The following CSPG4 variants were observed in gnomAD, a reference collection of about 807,000 sequenced individuals.
CSPG4 encodes chondroitin sulfate proteoglycan 4.
Under a neutral mutation model 139.3 loss-of-function variants are expected in CSPG4, and 74 were observed. The observed-to-expected ratio is 0.53, with a 90% confidence interval of 0.44 to 0.64. The LOEUF (loss-of-function observed/expected upper bound fraction) is 0.64. CSPG4 is among the 30% of genes least tolerant of loss of function. The pLI, the probability that CSPG4 is intolerant of heterozygous loss-of-function variation, is 0.00. For synonymous variants in CSPG4, 1,234 were observed against 1,394.2 expected (o/e 0.89, Z 2.56); for missense variants, 2,565 against 3,148.3 (o/e 0.81, Z 4.43).
chr15:75,682,498 A>G, intron 7 of CSPG4, 39 bp from the exon 8 acceptor site: 1 of 1,573,358 alleles, frequency 6.4e-7, no homozygotes, highest in Admixed American at 1.7e-5. Flanking sequence ...TTTGACTGGG[A>G]GCCAGGTCCA....
intron 1 of CSPG4, among the ~76,000 whole-genome samples, chr15:75,702,660 A>G (rs1894320946): frequency 2.0e-5 from 3 of 152,260 alleles, no homozygotes; most frequent in Non-Finnish European, 4.4e-5. Context: ...CCCAGGGCTC[A>G]GAGGCAGGGG....
rs1894255631 is a variant in CSPG4, at chr15:75,698,372, G to C, written c.89-5139C>G. 6.6e-6 allele frequency among the ~76,000 whole-genome samples: 1 copy of C among 151,990 alleles called. No homozygotes were observed. The highest frequency in any genetic ancestry group is 6.5e-5 in the Admixed American group (1 of 15,268). On this transcript the variant is annotated intron_variant, in intron 1 of 9. Coordinates refer to ENST00000308508, the MANE Select transcript of CSPG4 (RefSeq NM_001897.5). This position sits in a 1 kb window ranked among gnomAD's most constrained non-coding sequence, Gnocchi z 4.3. ...TGGGGGCTGAATGCCGGCTCTGTGA[G>C]AGCATGGACGGGCCAGGTGTGCTTC...
Position 75,675,754 on chromosome 15 carries a change from A to G in CSPG4, c.6765T>C (p.His2255=). 1 of 1,611,036 alleles carries G rather than the reference A, an allele frequency of 6.2e-7. No homozygotes were observed. Among genetic ancestry groups the G allele is most frequent in the African/African-American group, 1.3e-5 (1 of 74,994 alleles). Residue 2255 remains histidine, a synonymous_variant, in exon 10 of 10, where the codon CAT becomes CAC. Transcript: ENST00000308508. ...YLRKRNKTGK[H]DVQVLTAKPR... is the part of the protein sequence containing the mutation. ...GCTTGGCAGTCAGGACCTGGACGTC[A>G]TGCTTGCCCGTCTTGTTGCGTTTTC...
At chr15:75,704,359 G>A (rs1358183262) in intron 1 of CSPG4, among the ~76,000 whole-genome samples, 2 of 152,184 alleles carry the variant, frequency 1.3e-5, no homozygotes, top group Admixed American at 1.3e-4. Flanking sequence ...ATATCTCGCT[G>A]GCCCCAGGGC....
chr15:75,701,449 T>C (rs1391256751), intron 1 of CSPG4, among the ~76,000 whole-genome samples: 1 of 152,140 alleles, frequency 6.6e-6, no homozygotes, highest in African/African-American at 2.4e-5. Flanking sequence ...TCCTTGCTAG[T>C]GAAGCTCTGG....
chr15:75,676,148 C>G lies in CSPG4; in HGVS notation c.6371G>C (p.Gly2124Ala), dbSNP rs772471893. Residue 2124 changes from glycine to alanine, a missense_variant, in exon 10 of 10, where the codon GGG becomes GCG. This residue lies in a region of CSPG4 where 2,316 missense variants were observed against 2,818.2 expected (regional missense o/e 0.82). Transcript: ENST00000308508. ...CCCCTCTGGCCTGCCCACCTCCAGCCCCAGCCTCCCGTCCTCAAGGTCCTG... is the reference window on the plus strand; with the variant it reads ...CCCCTCTGGCCTGCCCACCTCCAGCGCCAGCCTCCCGTCCTCAAGGTCCTG... Reference protein sequence around the residue: ...TQQDLEDGRLGLEVGRPEGRA... With the variant: ...TQQDLEDGRLALEVGRPEGRA... 17 of 1,545,032 alleles carry G rather than the reference C, an allele frequency of 1.1e-5. No individual in the cohort carries two copies. The African/African-American group carries it at 2.0e-4, about 19-fold the overall frequency.
intron 2 of CSPG4, among the ~76,000 whole-genome samples, chr15:75,692,099 A>G (rs1473056564): frequency 1.3e-5 from 2 of 152,148 alleles, no homozygotes; most frequent in African/African-American, 4.8e-5. Context: ...CTCTTGCCTC[A>G]GCCTCCTGAG....
Position 75,676,006 on chromosome 15 carries a change from G to A in CSPG4, c.6513C>T (p.Tyr2171=). Residue 2171 remains tyrosine (Y), a synonymous_variant, in exon 10 of 10, where the codon TAC becomes TAT. Transcript: ENST00000308508. ...ATEPYNAARP[Y]SVALLSVPEA... is the part of the protein sequence containing the mutation. ...CGGGGACACTGAGCAGGGCCACGCT[G>A]TAGGGCCGGGCAGCATTGTAAGGCT... 6.4e-7 allele frequency: 1 copy of A among 1,568,762 alleles called. No homozygotes were observed. The highest frequency in any genetic ancestry group is 1.3e-5 in the African/African-American group (1 of 74,486).
At position 75,685,337 on chromosome 15, in the gene CSPG4, G is replaced by A; in HGVS notation, c.4154C>T (p.Pro1385Leu). ...GAGGCCCAGGAGAGTGGGGAAGTAGGGCCCGGAGACACGGAGCAGTGGAGG... is the reference window on the plus strand; with the variant it reads ...GAGGCCCAGGAGAGTGGGGAAGTAGAGCCCGGAGACACGGAGCAGTGGAGG... ...LAPPLLRVSG[P>L]YFPTLLGLSL... Residue 1385 changes from proline to leucine, a missense_variant, in exon 4 of 10, where the codon CCC becomes CTC. Pro to Leu is a moderately conservative substitution (Grantham distance 98, BLOSUM62 -3). Coordinates refer to ENST00000308508, the MANE Select transcript of CSPG4 (RefSeq NM_001897.5). The A allele has an allele frequency of 1.2e-6, 2 of 1,608,144 alleles. No individual in the cohort carries two copies. Among genetic ancestry groups the A allele is most frequent in the Non-Finnish European group, 1.7e-6 (2 of 1,177,292 alleles).
rs775054599 is a variant in CSPG4, at chr15:75,688,828, G to C, written c.2237C>G (p.Thr746Ser). ...GTCGTAAGCGTGGTGCTGTGGGTCA[G>C]TGCTCAGGTACCTCACGCGGCCCTG... The part of the protein sequence containing the change: ...VEQGRVRYLS[T>S]DPQHHAYDTV... The change falls in exon 3 of 10, where the codon ACT becomes AGT. Residue 746 changes from threonine (T) to serine (S), a missense_variant. Around this residue, in one of 5 missense-constraint regions of CSPG4, gnomAD observed 2,316 missense variants for 2,818.2 expected, o/e 0.82. Transcript: ENST00000308508. 1.2e-5 allele frequency: 19 copies of C among 1,612,828 alleles called. No individual in the cohort carries two copies. The highest frequency in any genetic ancestry group is 1.4e-5 in the Non-Finnish European group (17 of 1,180,002).
chr15:75,688,199 T>C lies in CSPG4; in HGVS notation c.2866A>G (p.Met956Val), dbSNP rs137974062. Residue 956 changes from methionine (M) to valine (V), a missense_variant, in exon 3 of 10, where the codon ATG becomes GTG. Physicochemically the swap from Met to Val is conservative, Grantham distance 21 (BLOSUM62 1). Around this residue, in one of 5 missense-constraint regions of CSPG4, gnomAD observed 2,316 missense variants for 2,818.2 expected, o/e 0.82. Transcript: ENST00000308508. Reference protein sequence around the residue: ...AWRGTQDKTTMVTSFTNEDLL... With the variant: ...AWRGTQDKTTVVTSFTNEDLL... Reference sequence around the variant, plus strand: ...TCTTCATTGGTGAAGGATGTCACCATAGTGGTCTTGTCCTGTGTCCCACGC... The same window carrying C: ...TCTTCATTGGTGAAGGATGTCACCACAGTGGTCTTGTCCTGTGTCCCACGC... 1.1e-5 allele frequency: 17 copies of C among 1,612,866 alleles called. 1 individual carries two copies. In the East Asian group the frequency reaches 1.6e-4, roughly 15 times the overall value.
In CSPG4 at chr15:75,693,113, G is replaced by T. The variant is rs546467500; in HGVS notation, c.209C>A (p.Pro70Gln). The T allele has an allele frequency of 6.5e-7, 1 of 1,548,226 alleles. No homozygotes were observed. Among genetic ancestry groups the T allele is most frequent in the South Asian group, 1.2e-5 (1 of 85,246 alleles). The change falls in exon 2 of 10, where the codon CCA (proline) becomes CAA (glutamine). Residue 70 changes from proline (P) to glutamine (Q), a missense_variant. Pro to Gln is a moderately conservative substitution (Grantham distance 76). Transcript: ENST00000308508. ...PEALLLLAAG[P>Q]ADHLLLQLYS... ...GAGCTGCAGCAGGAGGTGGTCAGCT[G>T]GGCCTGCTGCCAGGAGAAGGAGGGC... is the stretch of plus-strand genomic sequence containing the variant.
chr15:75,699,346 C>A (rs1217482457), intron 1 of CSPG4, among the ~76,000 whole-genome samples: 1 of 152,266 alleles, frequency 6.6e-6, no homozygotes, highest in Non-Finnish European at 1.5e-5. Flanking sequence ...AGTTGCCTTT[C>A]TGGTCCCTTG....
At chr15:75,713,424 G>C (rs1010259199), upstream of CSPG4, among the ~76,000 whole-genome samples, 1 of 152,186 alleles carries the variant, frequency 6.6e-6, no homozygotes, top group African/African-American at 2.4e-5. Context: ...GGATTTCCTC[G>C]CAGGGCAGAA....
chr15:75,680,496 C>T (rs1893958484), intron 8 of CSPG4: 1 of 152,480 alleles, frequency 6.6e-6, no homozygotes, highest in Non-Finnish European at 1.5e-5. Context: ...TGGGCCAGAT[C>T]TGGCCCAGGA....
chr15:75,683,877 T>A (rs1279030306), intron 5 of CSPG4, among the ~76,000 whole-genome samples: 3 of 152,212 alleles, frequency 2.0e-5, no homozygotes, highest in Non-Finnish European at 4.4e-5. Flanking sequence ...ACTAGGCTTC[T>A]GGAGCAAACA....
At position 75,687,764 on chromosome 15, in the gene CSPG4, C is replaced by T; in HGVS notation, c.3301G>A (p.Gly1101Ser). 6.2e-7 allele frequency: 1 copy of T among 1,612,926 alleles called. No homozygotes were observed. The highest frequency in any genetic ancestry group is 2.2e-5 in the East Asian group (1 of 44,892). ...TCGGACACCTGCAGCTGGATCCAGC[C>T]ACGGTCAGCCCCTGAGTGCACGAAC... ...VLFVHSGADR[G>S]WIQLQVSDGQ... Residue 1101 changes from glycine (G) to serine (S), a missense_variant, in exon 3 of 10, where the codon GGC (glycine) becomes AGC (serine). By Grantham distance (56) the Gly-to-Ser change is moderately conservative. Transcript: ENST00000308508. This position sits in a 1 kb window ranked among gnomAD's most constrained non-coding sequence, Gnocchi z 5.4.
chr15:75,692,975 T>C (rs1208443749), intron 2 of CSPG4, 95 bp downstream of exon 2: 30 of 632,236 alleles, frequency 4.7e-5, no homozygotes, highest in Middle Eastern at 4.3e-4. Context: ...TAAAAGTGAC[T>C]TACACAAGGT....
Position 75,675,404 on chromosome 15 carries a change from T to G in CSPG4, c.*146A>C. The stretch of plus-strand genomic sequence containing the variant: ...CCACTCTGTCCCGGACCCCTGGGAC[T>G]ATCTCCCAGGACCCTCCACCCCTGG... On this transcript the variant is annotated 3_prime_UTR_variant, in exon 10 of 10. Transcript: ENST00000308508. 1 of 846,950 alleles carries G rather than the reference T, an allele frequency of 1.2e-6. No individual in the cohort carries two copies. The highest frequency in any genetic ancestry group is 5.7e-5 in the South Asian group (1 of 17,646). The allele number at this position is 846,950 out of a possible 1,614,324, so 52.5% of individuals were successfully genotyped here.
Sources: gnomAD v4.1 joint callset for allele counts (sites outside exome capture counted in the v4.1 genomes callset) on GRCh38, gnomAD v4.1.1 for gene constraint, gnomAD v4.1.1 regional missense constraint, Gnocchi (gnomAD v3.1) non-coding constraint, MANE v1.5 for transcripts, NCBI Gene and HGNC (gene_info 2026-07-23, HGNC 2026-07-21) for gene names.